Variants in SLC5A11 observed in about 807,000 individuals in gnomAD.
The protein encoded by SLC5A11 is sodium/myo-inositol cotransporter 2.
Under a neutral mutation model 69.8 loss-of-function variants are expected in SLC5A11, and 48 were observed. The observed-to-expected ratio is 0.69, with a 90% CI of 0.55 to 0.87. The LOEUF is 0.87. SLC5A11 is among the 40% of genes least tolerant of loss of function. The pLI is 0.00. For missense variants in SLC5A11, 784 were observed against 866.1 expected (o/e 0.91, Z 1.19); for synonymous variants, 319 against 342.4 (o/e 0.93, Z 0.75).
rs1567617786 is a variant in SLC5A11, at chr16:24,875,524, C to G, written c.373-103C>G. The G allele has an allele frequency of 8.3e-5, 71 of 854,548 alleles. 3 individuals carry two copies. In the South Asian group the frequency reaches 1.1e-3, roughly 13 times the overall value. 52.9% of individuals were successfully genotyped at this position (854,548 alleles called of 1,614,324 possible). On this transcript the variant is annotated intron_variant, in intron 5 of 15. Transcript: ENST00000347898. ...GAGAATCCCAAGAAGACCATCTGTG[C>G]TCTGAGTTGCGGGGGCAGGAGCAGA... is the stretch of plus-strand genomic sequence containing the variant.
chr16:24,849,596 ATATATAT>A (rs2059204691), intron 1 of SLC5A11, among the ~76,000 whole-genome samples: 8 of 81,356 alleles, frequency 9.8e-5, no homozygotes, highest in African/African-American at 4.4e-4. Flanking sequence ...AAAAAAAAAT[ATATATAT>A]ATATATATAT....
At chr16:24,883,839 A>C (rs1251593721) in intron 7 of SLC5A11, among the ~76,000 whole-genome samples, 1 of 152,232 alleles carries the variant, frequency 6.6e-6, no homozygotes, top group Non-Finnish European at 1.5e-5. Context: ...TGAGAAGCGG[A>C]GAAATCAACT....
At chr16:24,891,818 C>T (rs1437733945) in intron 9 of SLC5A11, among the ~76,000 whole-genome samples, 3 of 152,084 alleles carry the variant, frequency 2.0e-5, no homozygotes, top group African/African-American at 7.2e-5. Flanking sequence ...CCTTGTGGAG[C>T]TTCCCTTCTT....
intron 7 of SLC5A11, among the ~76,000 whole-genome samples, chr16:24,878,887 T>C (rs2047860181): frequency 6.6e-6 from 1 of 152,016 alleles, no homozygotes; most frequent in South Asian, 2.1e-4. Context: ...ACAGAAAAAT[T>C]AGCTGGGCAT....
chr16:24,854,764 T>A (rs1453641360), intron 1 of SLC5A11, among the ~76,000 whole-genome samples: 1 of 151,980 alleles, frequency 6.6e-6, no homozygotes, highest in Non-Finnish European at 1.5e-5. Flanking sequence ...AGAACATTAC[T>A]TACCTAATGG....
intron 10 of SLC5A11, among the ~76,000 whole-genome samples, chr16:24,900,511 A>G (rs1289252251): frequency 6.6e-6 from 1 of 152,172 alleles, no homozygotes; most frequent in Non-Finnish European, 1.5e-5. Context: ...CTTCCAGGAA[A>G]GGGCAAAAGC....
chr16:24,911,603 T>A (rs928041095), exon 16 of SLC5A11: 19 of 1,477,014 alleles, frequency 1.3e-5, no homozygotes, highest in Non-Finnish European at 1.7e-5. Flanking sequence ...AAAGAAAAAA[T>A]AATAAAGCTT....
intron 4 of SLC5A11, among the ~76,000 whole-genome samples, chr16:24,870,737 AAC>A (rs2152299723): frequency 6.9e-6 from 1 of 145,504 alleles, no homozygotes; most frequent in East Asian, 2.1e-4. Flanking sequence ...GTGAGATTGT[AAC>A]ACTGCACTTC....
intron 12 of SLC5A11, 119 bp downstream of exon 13, chr16:24,907,294 C>T (rs1222289355): frequency 1.8e-6 from 2 of 1,093,456 alleles, no homozygotes; most frequent in Admixed American, 2.2e-5. Flanking sequence ...ACTCCATGTG[C>T]AAGACATTCA....
At chr16:24,888,777 C>G (rs1416533731) in intron 8 of SLC5A11, among the ~76,000 whole-genome samples, 1 of 135,264 alleles carries the variant, frequency 7.4e-6, no homozygotes, top group East Asian at 2.2e-4. Flanking sequence ...AGCCACCGTG[C>G]CTGTCCTTTT....
rs373362001 is a variant in SLC5A11, at chr16:24,884,010, G to C, written c.584-41G>C. 3.1e-6 allele frequency: 5 copies of C among 1,596,962 alleles called. No individual in the cohort carries two copies. The South Asian group carries it at 3.3e-5, about 11-fold the overall frequency. ...TGGTGACCCAGAGTAACCCCTTCTC[G>C]TTAGACTCCCTGACCCTCACCTCCG... On this transcript the variant is annotated intron_variant, in intron 7 of 15. Coordinates refer to ENST00000347898, the Ensembl canonical transcript of SLC5A11.
At position 24,873,957 on chromosome 16, in the gene SLC5A11, G is replaced by T. The variant is rs968015623; in HGVS notation, c.373-1670G>T. 5.9e-5 allele frequency among the ~76,000 whole-genome samples: 9 copies of T among 151,488 alleles called. 1 individual carries two copies. Among genetic ancestry groups the T allele is most frequent in the Admixed American group, 1.3e-4 (2 of 15,152 alleles). On this transcript the variant is annotated intron_variant, in intron 5 of 15. Coordinates refer to ENST00000347898, the Ensembl canonical transcript of SLC5A11. ...TTCTCCTCCCTCAACCTCCCAAGTA[G>T]CTGGGATTACAGGTGCACACCACCA...
At chr16:24,873,968 A>G (rs61034196) in intron 5 of SLC5A11, among the ~76,000 whole-genome samples, 79 of 151,832 alleles carry the variant, frequency 5.2e-4, no homozygotes, top group African/African-American at 1.9e-3. Flanking sequence ...CTGGGATTAC[A>G]GGTGCACACC....
At chr16:24,849,593 A>AAAAAAAAAAAAAAAAAT in intron 1 of SLC5A11, among the ~76,000 whole-genome samples, 2 of 35,922 alleles carry the variant, frequency 5.6e-5, no homozygotes, top group African/African-American at 1.8e-4. Context: ...AAAAAAAAAA[A>AAAAAAAAAAAAAAAAAT]ATATATATAT....
At chr16:24,908,595 CAAAAA>C (rs764700253) in intron 13 of SLC5A11, among the ~76,000 whole-genome samples, 4 of 70,594 alleles carry the variant, frequency 5.7e-5, no homozygotes, top group Admixed American at 1.9e-4. Flanking sequence ...GAGACTGTCT[CAAAAA>C]AAAAAAAAAA....
At chr16:24,888,487 T>C (rs994017491) in intron 8 of SLC5A11, among the ~76,000 whole-genome samples, 4 of 140,714 alleles carry the variant, frequency 2.8e-5, no homozygotes, top group Non-Finnish European at 3.1e-5. Context: ...TCTTTTTTTT[T>C]TTTTTTTTTT....
intron 3 of SLC5A11, among the ~76,000 whole-genome samples, chr16:24,862,981 A>G (rs978311277): frequency 1.5e-5 from 2 of 134,184 alleles, no homozygotes; most frequent in African/African-American, 6.0e-5. Flanking sequence ...ATATATAATT[A>G]TATAATATAT....
At chr16:24,870,393 C>T (rs1010781322) in intron 4 of SLC5A11, among the ~76,000 whole-genome samples, 1 of 150,346 alleles carries the variant, frequency 6.7e-6, no homozygotes, top group Non-Finnish European at 1.5e-5. Context: ...AACTCCGTCC[C>T]CCTCCCCACA....
intron 2 of SLC5A11, among the ~76,000 whole-genome samples, chr16:24,860,223 C>T (rs938725237): frequency 3.9e-5 from 6 of 151,972 alleles, no homozygotes; most frequent in Non-Finnish European, 2.9e-5. Context: ...GGAGGCAGAG[C>T]TTGCAGTGAG....
Sources: gnomAD v4.1 joint callset for allele counts (sites outside exome capture counted in the v4.1 genomes callset) on GRCh38, gnomAD v4.1.1 for gene constraint, MANE v1.5 for transcripts, NCBI Gene and HGNC (gene_info 2026-07-23, HGNC 2026-07-21) for gene names.